The following DIS3 variants were observed in gnomAD, a reference collection of about 807,000 sequenced individuals.
The protein encoded by DIS3 is exosome complex exonuclease RRP44.
A neutral mutation model predicts 113.0 loss-of-function variants in DIS3; 103 were observed. That is an observed-to-expected ratio of 0.91 (90% CI 0.78 to 1.07). The LOEUF (loss-of-function observed/expected upper bound fraction) is 1.07, where lower values mean the gene tolerates loss of function less well. Ranked by LOEUF, DIS3 falls within the 50% of genes least tolerant of loss-of-function variation. The probability of loss-of-function intolerance (pLI) is 0.00; values close to 1 mark genes in which losing one functional copy is unlikely to be tolerated. For missense variants in DIS3, 1,121 were observed against 1,167.1 expected, an observed-to-expected ratio of 0.96 and a Z score of 0.58; for synonymous variants, 402 against 394.3, an observed-to-expected ratio of 1.02 and a Z score of -0.23.
Position 72,757,561 on chromosome 13 carries a change from G to A in DIS3, c.*2234C>T, listed in dbSNP as rs994893290. 3 of 157,486 alleles carry A rather than the reference G, an allele frequency of 1.9e-5. No homozygotes were observed. Among genetic ancestry groups the A allele is most frequent in the African/African-American group, 7.2e-5 (3 of 41,500 alleles). 9.8% of individuals were successfully genotyped at this position (157,486 alleles called of 1,614,324 possible). A position where few individuals can be genotyped will look rare whatever the true frequency, so the allele number is the denominator to read the frequency against. The stretch of plus-strand genomic sequence containing the variant: ...CTGCCTCAGCCTCCCAAGTAGCTGG[G>A]ATTACAGGCATCCGCCGTTACACCC... On this transcript the variant is annotated 3_prime_UTR_variant, in exon 21 of 21. Coordinates refer to ENST00000377767, the MANE Select transcript of DIS3 (RefSeq NM_014953.5).
chr13:72,773,817 C>T lies in DIS3; in HGVS notation c.1106G>A (p.Arg369Lys). The T allele has an allele frequency of 1.9e-6, 3 of 1,602,558 alleles. No individual in the cohort carries two copies. The highest frequency in any genetic ancestry group is 2.5e-6 in the Non-Finnish European group (3 of 1,177,346). The part of the protein sequence containing the change: ...MLSKSDIKES[R>K]RHLFTPADKR... The stretch of plus-strand genomic sequence containing the variant: ...ATCAGCAGGTGTAAAGAGATGTCTT[C>T]TTGACTAGCAAAAATTAGGAATAAA... Residue 369 changes from arginine (R) to lysine (K), a missense_variant, in exon 8 of 21, where the codon AGA becomes AAA. Transcript: ENST00000377767.
rs747457059 is a variant in DIS3, at chr13:72,762,141, T to C, written c.2128-4A>G. On this transcript the variant is annotated splice_polypyrimidine_tract_variant and splice_region_variant and intron_variant, in intron 16 of 20. Transcript: ENST00000377767. ...TATCAGTCTTAATTTCCAAATTCTG[T>C]AAACAAAAAGGAGGGAAGAGCACCA... is the stretch of plus-strand genomic sequence containing the variant. 11 of 1,611,350 alleles carry C rather than the reference T, an allele frequency of 6.8e-6. No individual in the cohort carries two copies. Among genetic ancestry groups the C allele is most frequent in the Admixed American group, 3.3e-5 (2 of 59,720 alleles).
chr13:72,781,748 TGTC>T lies in DIS3; in HGVS notation c.82_84del (p.Asp28del). 6.3e-7 allele frequency: 1 copy of T among 1,597,918 alleles called. No homozygotes were observed. The highest frequency in any genetic ancestry group is 8.5e-7 in the Non-Finnish European group (1 of 1,172,824). On this transcript the variant is annotated inframe_deletion, in exon 1 of 21. Coordinates refer to ENST00000377767, the MANE Select transcript of DIS3 (RefSeq NM_014953.5). ...GCGCACCCGGGCGCACCGCAGCCGATGTCGTCTCGCAGGTAGTGCTCGCGCACG... is the reference window on the plus strand; with the variant it reads ...GCGCACCCGGGCGCACCGCAGCCGATGTCTCGCAGGTAGTGCTCGCGCACG...
At position 72,775,995 on chromosome 13, in the gene DIS3, A is replaced by T. The variant is rs569939607; in HGVS notation, c.752T>A (p.Phe251Tyr). 2.1e-5 allele frequency: 34 copies of T among 1,611,874 alleles called. No individual in the cohort carries two copies. The South Asian group carries it at 3.5e-4, about 17-fold the overall frequency. ...IKSGTYLQGTFRASRENYLEA... is the reference protein window; with the variant it reads ...IKSGTYLQGTYRASRENYLEA... ...CAAGTAATTTTCCCTGCTAGCTCTA[A>T]ATGTTCCTTGAAGGTATGTACCAGA... Residue 251 changes from phenylalanine to tyrosine, a missense_variant, in exon 5 of 21, where the codon TTT becomes TAT. By Grantham distance (22) the Phe-to-Tyr change is conservative. Transcript: ENST00000377767.
chr13:72,778,418 T>C lies in DIS3; in HGVS notation c.387-38A>G, dbSNP rs1483419219. ...AAAAAACGAAATAAAAGGAAATCAG[T>C]AGAAACAAGGATATGTGAAAACTCT... On this transcript the variant is annotated intron_variant, in intron 2 of 20. Transcript: ENST00000377767. The C allele has an allele frequency of 3.3e-6, 5 of 1,507,114 alleles. No individual in the cohort carries two copies. The African/African-American group carries it at 4.1e-5, about 12-fold the overall frequency. 93.4% of individuals were successfully genotyped at this position (1,507,114 alleles called of 1,614,324 possible).
At chr13:72,780,325 C>CAAAAAAAAAA (rs397851597) in intron 2 of DIS3, among the ~76,000 whole-genome samples, 3 of 55,386 alleles carry the variant, frequency 5.4e-5, no homozygotes, top group East Asian at 6.2e-4. Flanking sequence ...GACTCCATCT[C>CAAAAAAAAAA]AAAAAAAAAA....
Position 72,773,933 on chromosome 13 carries a change from G to A in DIS3, c.1101+13C>T. 6 of 1,584,320 alleles carry A rather than the reference G, an allele frequency of 3.8e-6. No homozygotes were observed. Among genetic ancestry groups the A allele is most frequent in the Non-Finnish European group, 4.3e-6 (5 of 1,161,836 alleles). ...ATCATTTTTTTATTACATAGTAAAT[G>A]CTCTTTACTCACCTCCTTAATGTCA... On this transcript the variant is annotated intron_variant, in intron 7 of 20. Transcript: ENST00000377767.
chr13:72,760,460 C>T (rs999474730), intron 20 of DIS3, 69 bp downstream of exon 20: 95 of 1,585,104 alleles, frequency 6.0e-5, no homozygotes, highest in Non-Finnish European at 7.0e-5. Context: ...GAAATAACTA[C>T]GTCCCTTCTT....
At chr13:72,774,559 C>T (rs541696139) in intron 6 of DIS3, among the ~76,000 whole-genome samples, 35 of 152,204 alleles carry the variant, frequency 2.3e-4, no homozygotes, top group African/African-American at 7.5e-4. Flanking sequence ...TGGTATTTCA[C>T]CTCTTAACAC....
rs1398817926 is a variant in DIS3 at position 72,759,015 on chromosome 13, G to A, written c.*780C>T. 7 of 178,200 alleles carry A rather than the reference G, an allele frequency of 3.9e-5. No homozygotes were observed. The highest frequency in any genetic ancestry group is 9.4e-5 in the East Asian group (1 of 10,632). The allele number at this position is 178,200 out of a possible 1,614,324, so 11.0% of individuals were successfully genotyped here. ...AGTATGTCTTTATACAGTTCCCCTCGTGTATATACACTGATATAACTACAA... is the reference window on the plus strand; with the variant it reads ...AGTATGTCTTTATACAGTTCCCCTCATGTATATACACTGATATAACTACAA... On this transcript the variant is annotated 3_prime_UTR_variant, in exon 21 of 21. Coordinates refer to ENST00000377767, the MANE Select transcript of DIS3 (RefSeq NM_014953.5).
chr13:72,761,214 T>C, intron 19 of DIS3, 149 bp downstream of exon 19: 1 of 1,048,860 alleles, frequency 9.5e-7, no homozygotes. Flanking sequence ...GTTGGCAAAA[T>C]TAAATGTAGA....
rs2033948117 is a variant in DIS3, at chr13:72,773,956, T to G, written c.1091A>C (p.Asp364Ala). 1 of 1,608,222 alleles carries G rather than the reference T, an allele frequency of 6.2e-7. No homozygotes were observed. Among genetic ancestry groups the G allele is most frequent in the Admixed American group, 1.7e-5 (1 of 58,860 alleles). ...ATGCTCTTTACTCACCTCCTTAATG[T>G]CAGACTTGGAAAGCATGCCACAATA... ...RPYCGMLSKS[D>A]IKESRRHLFT... Residue 364 changes from aspartate to alanine, a missense_variant, in exon 7 of 21, where the codon GAC (aspartate) becomes GCC (alanine). Asp to Ala is a moderately radical substitution (Grantham distance 126). This residue lies in a region of DIS3 where 861 missense variants were observed against 915.5 expected (regional missense o/e 0.94). Transcript: ENST00000377767.
Position 72,758,132 on chromosome 13 carries a change from CTATGTTTAGA to C in DIS3, c.*1653_*1662del, listed in dbSNP as rs1436139207. ...TATATATATTTTTACTGTACCTTTTCTATGTTTAGATATGTTTAGATACACAAATACTTAG... is the reference window on the plus strand; with the variant it reads ...TATATATATTTTTACTGTACCTTTTCTATGTTTAGATACACAAATACTTAG... On this transcript the variant is annotated 3_prime_UTR_variant, in exon 21 of 21. Transcript: ENST00000377767. The C allele has an allele frequency of 4.4e-5, 8 of 180,188 alleles. No homozygotes were observed. The highest frequency in any genetic ancestry group is 9.2e-5 in the East Asian group (1 of 10,912). The allele number at this position is 180,188 out of a possible 1,614,324, so 11.2% of individuals were successfully genotyped here.
At chr13:72,781,198 T>G in intron 1 of DIS3, 195 bp from the exon 2 acceptor site, 1 of 1,497,236 alleles carries the variant, frequency 6.7e-7, no homozygotes, top group Non-Finnish European at 9.1e-7. Context: ...AAAAGCACAC[T>G]TAAACAGACC....
In DIS3 at chr13:72,772,273, G is replaced by C; in HGVS notation, c.1389C>G (p.Asp463Glu). Residue 463 changes from aspartate (D) to glutamate (E), a missense_variant and splice_region_variant, in exon 10 of 21, where the codon GAC becomes GAG. Asp to Glu is a conservative substitution (Grantham distance 45). This residue lies in a region of DIS3 where 861 missense variants were observed against 915.5 expected (regional missense o/e 0.94). Transcript: ENST00000377767. ...PKMPWSITEK[D>E]MKNREDLRHL... is the part of the protein sequence containing the mutation. Reference sequence around the variant, plus strand: ...GCCTCAGGTCTTCTCGGTTTTTCATGTCCTAGAAGACATGAAATGATAAAC... The same window carrying C: ...GCCTCAGGTCTTCTCGGTTTTTCATCTCCTAGAAGACATGAAATGATAAAC... The C allele has an allele frequency of 1.2e-6, 2 of 1,600,284 alleles. No homozygotes were observed. The highest frequency in any genetic ancestry group is 2.2e-5 in the South Asian group (2 of 89,544).
intron 14 of DIS3, among the ~76,000 whole-genome samples, chr13:72,768,415 C>T (rs1314629713): frequency 7.9e-5 from 12 of 152,246 alleles, no homozygotes; most frequent in African/African-American, 2.9e-4. Context: ...TTTGGGAGGC[C>T]GAGGCGGCTG....
At position 72,778,370 on chromosome 13, in the gene DIS3, C is replaced by A; in HGVS notation, c.397G>T (p.Val133Leu). 1 of 1,553,468 alleles carries A rather than the reference C, an allele frequency of 6.4e-7. No individual in the cohort carries two copies. Among genetic ancestry groups the A allele is most frequent in the Admixed American group, 1.7e-5 (1 of 57,644 alleles). Residue 133 changes from valine (V) to leucine (L), a missense_variant, in exon 3 of 21, where the codon GTA becomes TTA. Around this residue, in one of 3 missense-constraint regions of DIS3, gnomAD observed 254 missense variants for 232.2 expected, o/e 1.09. Transcript: ENST00000377767. ...FTNEHHRETY[V>L]EQEQGENAND... is the part of the protein sequence containing the mutation. ...GCATTTTCTCCCTGTTCTTGTTCTA[C>A]ATAGGTTTCTCTAAATGGAAAGAAA...
chr13:72,760,672 C>G (rs1387507898), intron 19 of DIS3, 21 bp from the exon 20 acceptor site: 1 of 1,607,932 alleles, frequency 6.2e-7, no homozygotes, highest in Non-Finnish European at 8.5e-7. Context: ...CACATTTTAT[C>G]ATTCTTAATT....
At chr13:72,770,779 A>G (rs2033866613) in intron 13 of DIS3, 125 bp downstream of exon 13, 1 of 442,376 alleles carries the variant, frequency 2.3e-6, no homozygotes, top group South Asian at 8.4e-5. Flanking sequence ...CTCTTTTCAA[A>G]TATATAAATA....
Sources: gnomAD v4.1 joint callset for allele counts (sites outside exome capture counted in the v4.1 genomes callset) on GRCh38, gnomAD v4.1.1 for gene constraint, gnomAD v4.1.1 regional missense constraint, MANE v1.5 for transcripts, NCBI Gene and HGNC (gene_info 2026-07-23, HGNC 2026-07-21) for gene names.